The following ANKRD12 variants were observed in gnomAD, a reference collection of about 807,000 sequenced individuals.
The protein encoded by ANKRD12 is ankyrin repeat domain-containing protein 12.
ANKRD12 carries 85 observed loss-of-function variants against 183.4 expected under a neutral mutation model. That is an observed-to-expected ratio of 0.46 (90% CI 0.39 to 0.56). The LOEUF is 0.56. Among genes scored for constraint, ANKRD12 ranks in the 20% least tolerant of loss-of-function variants. ANKRD12 has a pLI of 0.00. For missense variants in ANKRD12, 2,405 were observed against 2,357.1 expected, an observed-to-expected ratio of 1.02 and a Z score of -0.42; for synonymous variants, 914 against 800.2, an observed-to-expected ratio of 1.14 and a Z score of -2.40.
At position 9,173,796 on chromosome 18, in the gene ANKRD12, G is replaced by A. The variant is rs192747655; in HGVS notation, c.-51-8586G>A. On this transcript the variant is annotated intron_variant, in intron 1 of 12. Coordinates refer to ENST00000262126, the MANE Select transcript of ANKRD12 (RefSeq NM_015208.5). ...CAGGTGTGCTGAATTGGGGGTAACC[G>A]TTCCTTGCCCAGACTGCCTGGACTC... Among the ~76,000 whole-genome samples the A allele has an allele frequency of 2.2e-4, 33 of 152,278 alleles. No individual in the cohort carries two copies. In the East Asian group the frequency reaches 2.7e-3, roughly 12 times the overall value.
intron 2 of ANKRD12, among the ~76,000 whole-genome samples, chr18:9,190,532 G>A (rs2034387219): frequency 6.6e-6 from 1 of 152,202 alleles, no homozygotes; most frequent in African/African-American, 2.4e-5. Flanking sequence ...AGTTCTGTGG[G>A]TAAGTGCTAT....
intron 1 of ANKRD12, chr18:9,137,892 A>C (rs1014919549): frequency 4.6e-5 from 7 of 152,248 alleles, no homozygotes; most frequent in African/African-American, 1.7e-4. Flanking sequence ...AGCTTAGCTG[A>C]CAGCTGTTTT....
intron 11 of ANKRD12, 40 bp from the exon 12 acceptor site, chr18:9,279,509 T>G (rs757007251): frequency 1.7e-6 from 2 of 1,186,478 alleles, no homozygotes; most frequent in Non-Finnish European, 2.5e-6. Context: ...GATTTTAAAG[T>G]GATTTATTGT....
chr18:9,202,637 T>C (rs936422057), intron 3 of ANKRD12, among the ~76,000 whole-genome samples: 1 of 152,228 alleles, frequency 6.6e-6, no homozygotes, highest in African/African-American at 2.4e-5. Context: ...TTTGCCTCGC[T>C]ACAAGGAACA....
intron 2 of ANKRD12, among the ~76,000 whole-genome samples, chr18:9,191,581 A>AT (rs1239843662): frequency 6.6e-6 from 1 of 152,018 alleles, no homozygotes; most frequent in Non-Finnish European, 1.5e-5. Context: ...CGTAACAATG[A>AT]TTCATTTTCT....
At position 9,268,307 on chromosome 18, in the gene ANKRD12, C is replaced by G. The variant is rs537858540; in HGVS notation, c.5763+4419C>G. ...TCCTGATACCAAAGCCTGGCAGAGA[C>G]ACAACAACAAAAAAAGAGAATTTTA... is the stretch of plus-strand genomic sequence containing the variant. On this transcript the variant is annotated intron_variant, in intron 10 of 12. Coordinates refer to ENST00000262126, the MANE Select transcript of ANKRD12 (RefSeq NM_015208.5). Among the ~76,000 whole-genome samples, 233 of 152,170 alleles carry G rather than the reference C, an allele frequency of 1.5e-3. 1 individual carries two copies. Among genetic ancestry groups the G allele is most frequent in the African/African-American group, 5.2e-3 (216 of 41,504 alleles).
At chr18:9,157,585 G>GTGTGTGTATATATA (rs1472659778) in intron 1 of ANKRD12, among the ~76,000 whole-genome samples, 23 of 92,674 alleles carry the variant, frequency 2.5e-4, no homozygotes, top group African/African-American at 1.2e-3. Context: ...GTGTGTGTGT[G>GTGTGTGTATATATA]TATATATATA....
In ANKRD12 at chr18:9,255,867, T is replaced by G. The variant is rs1159452706; in HGVS notation, c.2600T>G (p.Ile867Arg). ...KLDLSECVDK[I>R]KEKDKLYSHH... ...GATCTTAGTGAATGTGTTGATAAAA[T>G]AAAAGAAAAGGACAAGCTATATTCG... The change falls in exon 9 of 13, where the codon ATA (isoleucine) becomes AGA (arginine). Residue 867 changes from isoleucine to arginine, a missense_variant. Around this residue, in one of 7 missense-constraint regions of ANKRD12, gnomAD observed 1,983 missense variants for 1,725.9 expected, o/e 1.15. Coordinates refer to ENST00000262126, the MANE Select transcript of ANKRD12 (RefSeq NM_015208.5). The G allele has an allele frequency of 4.4e-6, 7 of 1,586,676 alleles. 1 individual carries two copies. In the South Asian group the frequency reaches 4.8e-5, roughly 11 times the overall value.
intron 3 of ANKRD12, among the ~76,000 whole-genome samples, chr18:9,203,068 A>G (rs975731351): frequency 1.3e-5 from 2 of 152,220 alleles, no homozygotes; most frequent in Non-Finnish European, 2.9e-5. Context: ...TTTGCAATCT[A>G]TGGTGGTTAT....
intron 3 of ANKRD12, among the ~76,000 whole-genome samples, chr18:9,198,042 T>A (rs72937267): frequency 0.064 from 9,718 of 152,210 alleles, 340 homozygotes; most frequent in Non-Finnish European, 0.079. Flanking sequence ...AATTTTTTTT[T>A]AAAAAGTAGA....
chr18:9,143,535 A>G (rs1043913935), intron 1 of ANKRD12, among the ~76,000 whole-genome samples: 1 of 152,140 alleles, frequency 6.6e-6, no homozygotes, highest in Non-Finnish European at 1.5e-5. Flanking sequence ...ATCTTGGCGT[A>G]CTGCAACCTC....
chr18:9,185,021 G>A (rs1237784479), intron 2 of ANKRD12, among the ~76,000 whole-genome samples: 1 of 152,208 alleles, frequency 6.6e-6, no homozygotes, highest in Non-Finnish European at 1.5e-5. Context: ...CCTAATAGTA[G>A]AATTAGGTAC....
At chr18:9,262,692 T>A (rs1248563371) in intron 9 of ANKRD12, among the ~76,000 whole-genome samples, 2 of 150,188 alleles carry the variant, frequency 1.3e-5, no homozygotes, top group Admixed American at 1.3e-4. Context: ...AAACTCCTGG[T>A]CTCAAGCAAT....
chr18:9,162,793 A>G (rs536400616), intron 1 of ANKRD12, among the ~76,000 whole-genome samples: 3 of 130,454 alleles, frequency 2.3e-5, no homozygotes, highest in Non-Finnish European at 5.1e-5. Context: ...GCATTTCTCT[A>G]ATCAGTGATA....
chr18:9,161,514 C>T (rs200132073), intron 1 of ANKRD12, among the ~76,000 whole-genome samples: 6 of 151,134 alleles, frequency 4.0e-5, no homozygotes, highest in African/African-American at 1.5e-4. Flanking sequence ...TAGCTGGGAC[C>T]ACAGGCGCCC....
intron 10 of ANKRD12, among the ~76,000 whole-genome samples, chr18:9,269,399 A>G (rs1254044992): frequency 6.6e-6 from 1 of 152,224 alleles, no homozygotes; most frequent in Non-Finnish European, 1.5e-5. Context: ...CCAAAACAGC[A>G]TGGTACTGGT....
chr18:9,174,367 C>T (rs1285439315), intron 1 of ANKRD12, among the ~76,000 whole-genome samples: 4 of 152,204 alleles, frequency 2.6e-5, no homozygotes, highest in Non-Finnish European at 5.9e-5. Flanking sequence ...GGATGGATTT[C>T]TCACCTTGTT....
chr18:9,211,955 A>T (rs1352986535), intron 6 of ANKRD12, among the ~76,000 whole-genome samples, 171 bp downstream of exon 6: 1 of 152,070 alleles, frequency 6.6e-6, no homozygotes, highest in Admixed American at 6.6e-5. Context: ...TTTCTACTAC[A>T]ATTCCATGTC....
chr18:9,209,958 C>T (rs532826450), intron 5 of ANKRD12, among the ~76,000 whole-genome samples: 2 of 152,128 alleles, frequency 1.3e-5, no homozygotes, highest in African/African-American at 2.4e-5. Context: ...ATTTATGTAG[C>T]TTTTCTAGGC....
Sources: allele counts gnomAD v4.1 joint callset (sites outside exome capture counted in the v4.1 genomes callset), GRCh38; gene constraint gnomAD v4.1.1; regional missense constraint gnomAD v4.1.1; transcripts MANE v1.5; gene names NCBI Gene and HGNC (gene_info 2026-07-23, HGNC 2026-07-21).